The following IQCJ variants were observed in gnomAD, a reference collection of about 807,000 sequenced individuals.
IQCJ encodes IQ domain-containing protein J.
In IQCJ, 9 loss-of-function variants were observed where a neutral mutation model predicts 11.0. The observed-to-expected ratio is 0.82, with a 90% CI of 0.49 to 1.43. The LOEUF is 1.43. Ranked by LOEUF, IQCJ falls within the 40% of genes most tolerant of loss-of-function variation. The probability of loss-of-function intolerance (pLI) is 0.00; values close to 1 mark genes in which losing one functional copy is unlikely to be tolerated. For synonymous variants in IQCJ, 55 were observed against 51.3 expected (o/e 1.07, Z -0.31); for missense variants, 146 against 133.2 (o/e 1.10, Z -0.47).
At chr3:159,242,118 C>G (rs1350028891) in intron 1 of IQCJ, among the ~76,000 whole-genome samples, 1 of 152,118 alleles carries the variant, frequency 6.6e-6, no homozygotes, top group African/African-American at 2.4e-5. Flanking sequence ...TTCTGAAACA[C>G]CCCAAGACCA....
At chr3:159,139,565 C>T (rs1472719642) in intron 1 of IQCJ, among the ~76,000 whole-genome samples, 1 of 152,228 alleles carries the variant, frequency 6.6e-6, no homozygotes, top group Non-Finnish European at 1.5e-5. Flanking sequence ...CCTGGCTAGG[C>T]TGACCCTGTT....
chr3:159,116,618 A>G (rs868620676), intron 1 of IQCJ, among the ~76,000 whole-genome samples: 689 of 7,898 alleles, frequency 0.087, 18 homozygotes, highest in African/African-American at 0.25. Context: ...TCATATGTAT[A>G]TATATATATA....
At chr3:159,085,150 T>G (rs898285403) in intron 1 of IQCJ, among the ~76,000 whole-genome samples, 10 of 151,918 alleles carry the variant, frequency 6.6e-5, no homozygotes, top group African/African-American at 7.2e-5. Flanking sequence ...TCCCACCTAT[T>G]AGTGAGAATA....
At chr3:159,255,162 T>C (rs1727826172) in intron 3 of IQCJ, among the ~76,000 whole-genome samples, 1 of 152,234 alleles carries the variant, frequency 6.6e-6, no homozygotes, top group African/African-American at 2.4e-5. Context: ...TAGGGTCTTT[T>C]GACTTCTTTT....
chr3:159,084,319 G>GAGAAGCT (rs758226342), intron 1 of IQCJ, among the ~76,000 whole-genome samples: 108 of 152,166 alleles, frequency 7.1e-4, no homozygotes, highest in Non-Finnish European at 1.3e-3. Context: ...TGTTGAGTTT[G>GAGAAGCT]AGAAGCTAGA....
intron 1 of IQCJ, among the ~76,000 whole-genome samples, chr3:159,094,380 C>CT (rs1170246982): frequency 8.6e-6 from 1 of 116,194 alleles, no homozygotes; most frequent in African/African-American, 3.2e-5. Context: ...TCTTCAGGAT[C>CT]TTTTTTGTTT....
chr3:159,090,499 G>T (rs1477040898), intron 1 of IQCJ, among the ~76,000 whole-genome samples: 1 of 151,866 alleles, frequency 6.6e-6, no homozygotes, highest in Non-Finnish European at 1.5e-5. Context: ...ATCGTCCGTA[G>T]AGTTGGTGGG....
chr3:159,257,956 C>T (rs549098828), intron 3 of IQCJ, among the ~76,000 whole-genome samples: 10 of 152,140 alleles, frequency 6.6e-5, no homozygotes, highest in Non-Finnish European at 1.3e-4. Flanking sequence ...TGAGACCGGC[C>T]AGGACTGTTT....
chr3:159,175,716 A>G (rs1047799834), intron 1 of IQCJ, among the ~76,000 whole-genome samples: 20 of 152,192 alleles, frequency 1.3e-4, no homozygotes, highest in Admixed American at 1.3e-3. Flanking sequence ...TAGATACTCT[A>G]CAATATGCTT....
chr3:159,187,958 A>G (rs1723467379), intron 1 of IQCJ, among the ~76,000 whole-genome samples: 2 of 152,066 alleles, frequency 1.3e-5, no homozygotes, highest in Non-Finnish European at 2.9e-5. Context: ...GCCAATGAGA[A>G]CTCTTCCACC....
At chr3:159,103,919 T>A (rs1022394454) in intron 1 of IQCJ, among the ~76,000 whole-genome samples, 2 of 152,272 alleles carry the variant, frequency 1.3e-5, no homozygotes, top group African/African-American at 4.8e-5. Flanking sequence ...TAATGTATAT[T>A]CAAATTGCAT....
chr3:159,101,195 C>A (rs1279636617), intron 1 of IQCJ, among the ~76,000 whole-genome samples: 1 of 144,118 alleles, frequency 6.9e-6, no homozygotes, highest in Admixed American at 7.1e-5. Flanking sequence ...CTTGCGCTTC[C>A]CAGGTGAGGC....
chr3:159,252,300 G>A (rs911423023), intron 2 of IQCJ, among the ~76,000 whole-genome samples: 17 of 152,136 alleles, frequency 1.1e-4, no homozygotes, highest in Non-Finnish European at 2.4e-4. Context: ...GCCCTGAAAC[G>A]GCTTACAAAT....
At chr3:159,139,287 G>T (rs1038496415) in intron 1 of IQCJ, among the ~76,000 whole-genome samples, 1 of 151,854 alleles carries the variant, frequency 6.6e-6, no homozygotes. Context: ...GAAATGAATT[G>T]GTTATTTCTG....
chr3:159,111,173 A>G (rs1312427846), intron 1 of IQCJ, among the ~76,000 whole-genome samples: 2 of 152,192 alleles, frequency 1.3e-5, no homozygotes, highest in Admixed American at 6.5e-5. Context: ...CTAGAACAAA[A>G]CCTTTATGAA....
intron 1 of IQCJ, among the ~76,000 whole-genome samples, chr3:159,075,841 G>C (rs1715876227): frequency 6.6e-6 from 1 of 152,092 alleles, no homozygotes; most frequent in South Asian, 2.1e-4. Context: ...TTGATAACCT[G>C]TTGAAGGTAA....
intron 1 of IQCJ, among the ~76,000 whole-genome samples, chr3:159,158,555 A>G (rs1246330702): frequency 6.6e-6 from 1 of 152,198 alleles, no homozygotes; most frequent in Non-Finnish European, 1.5e-5. Flanking sequence ...TGCCAGCTAT[A>G]TTTGTCTGCA....
At chr3:159,209,763 C>G (rs1560026504) in intron 1 of IQCJ, among the ~76,000 whole-genome samples, 1 of 152,134 alleles carries the variant, frequency 6.6e-6, no homozygotes, top group African/African-American at 2.4e-5. Context: ...CAAGCCACCT[C>G]TGTTTCAAGT....
intron 1 of IQCJ, among the ~76,000 whole-genome samples, chr3:159,230,353 C>A (rs1359926576): frequency 3.3e-5 from 5 of 152,162 alleles, no homozygotes; most frequent in Admixed American, 6.5e-5. Context: ...AATGAACATA[C>A]AAGTGCATGT....
Sources: gnomAD v4.1 joint callset for allele counts (sites outside exome capture counted in the v4.1 genomes callset) on GRCh38, gnomAD v4.1.1 for gene constraint, MANE v1.5 for transcripts, NCBI Gene and HGNC (gene_info 2026-07-23, HGNC 2026-07-21) for gene names.